The following LCP2 variants were observed in gnomAD, a reference collection of about 807,000 sequenced individuals.
The protein encoded by LCP2 is 76 kDa tyrosine phosphoprotein.
A neutral mutation model predicts 74.5 loss-of-function variants in LCP2; 29 were observed. The observed-to-expected ratio is 0.39, with a 90% CI of 0.29 to 0.53. The LOEUF (loss-of-function observed/expected upper bound fraction) is 0.53, where lower values mean the gene tolerates loss of function less well. Among genes scored for constraint, LCP2 ranks in the 20% least tolerant of loss-of-function variants. The probability of loss-of-function intolerance (pLI) is 0.72; values close to 1 mark genes in which losing one functional copy is unlikely to be tolerated. For synonymous variants in LCP2, 228 were observed against 229.5 expected (o/e 0.99, Z 0.06); for missense variants, 604 against 634.6 (o/e 0.95, Z 0.52).
At chr5:170,284,893 G>A (rs1762157979) in intron 3 of LCP2, among the ~76,000 whole-genome samples, 1 of 151,994 alleles carries the variant, frequency 6.6e-6, no homozygotes. Flanking sequence ...TGGAACTACA[G>A]TCGCCTGCCA....
At chr5:170,281,767 T>C (rs1016505169) in intron 3 of LCP2, among the ~76,000 whole-genome samples, 1 of 152,166 alleles carries the variant, frequency 6.6e-6, no homozygotes, top group Non-Finnish European at 1.5e-5. Flanking sequence ...GAGTCTTAGG[T>C]TTTCCCAGCC....
intron 14 of LCP2, among the ~76,000 whole-genome samples, chr5:170,259,789 C>A (rs988740233): frequency 6.6e-6 from 1 of 152,166 alleles, no homozygotes; most frequent in Non-Finnish European, 1.5e-5. Flanking sequence ...GGAGTCCCAG[C>A]AAAGAGCTGC....
chr5:170,269,932 AT>A (rs779754596), intron 7 of LCP2, among the ~76,000 whole-genome samples: 2 of 152,246 alleles, frequency 1.3e-5, no homozygotes, highest in Non-Finnish European at 2.9e-5. Flanking sequence ...TTGAGACAGC[AT>A]TTTGTGAAAG....
rs1025039497 is a variant in LCP2 at position 170,247,997 on chromosome 5, G to C, written c.*700C>G. On this transcript the variant is annotated 3_prime_UTR_variant, in exon 21 of 21. Transcript: ENST00000046794. ...CCCTAAATTTAAAATGTTTTCTTTT[G>C]GTATTTGTAGTTTAAATTTTCTTTA... The C allele has an allele frequency of 6.6e-6, 1 of 151,990 alleles. No homozygotes were observed. The highest frequency in any genetic ancestry group is 1.5e-5 in the Non-Finnish European group (1 of 67,998). The allele number at this position is 151,990 out of a possible 1,614,324, so 9.4% of individuals were successfully genotyped here. A position where few individuals can be genotyped will look rare whatever the true frequency, so the allele number is the denominator to read the frequency against.
chr5:170,281,236 C>G (rs1216158080), intron 3 of LCP2, among the ~76,000 whole-genome samples: 1 of 151,914 alleles, frequency 6.6e-6, no homozygotes, highest in Non-Finnish European at 1.5e-5. Flanking sequence ...CAGGGGAGGA[C>G]CATGTTGGAG....
chr5:170,268,917 A>ATTTATGCACACACATTCATATAAATG (rs1554140445), intron 7 of LCP2, among the ~76,000 whole-genome samples: 1 of 152,156 alleles, frequency 6.6e-6, no homozygotes, highest in African/African-American at 2.4e-5. Context: ...ACACCTGCAT[A>ATTTATGCACACACATTCATATAAATG]CACAGAGACA....
intron 10 of LCP2, among the ~76,000 whole-genome samples, chr5:170,265,288 A>C (rs187367078): frequency 9.9e-5 from 15 of 152,190 alleles, no homozygotes; most frequent in Admixed American, 2.6e-4. Context: ...TGCCCAGCAA[A>C]ATTTGCCAAT....
At chr5:170,262,931 A>G in intron 11 of LCP2, 36 bp downstream of exon 11, 1 of 1,614,092 alleles carries the variant, frequency 6.2e-7, no homozygotes, top group Non-Finnish European at 8.5e-7. Flanking sequence ...GATGTGAAAC[A>G]AACAAACACA....
intron 10 of LCP2, among the ~76,000 whole-genome samples, chr5:170,265,220 G>A (rs567065260): frequency 2.6e-4 from 40 of 152,020 alleles, no homozygotes; most frequent in East Asian, 1.6e-3. Context: ...ATCTCCTGAC[G>A]TTGTGATCTG....
chr5:170,253,956 C>T, intron 17 of LCP2, among the ~76,000 whole-genome samples: 1 of 151,968 alleles, frequency 6.6e-6, no homozygotes, highest in East Asian at 1.9e-4. Context: ...TTGCAGTTGC[C>T]CAGGGTATTT....
intron 4 of LCP2, 45 bp from the exon 5 acceptor site, chr5:170,275,396 G>A (rs1424150781): frequency 6.2e-7 from 1 of 1,608,584 alleles, no homozygotes; most frequent in Admixed American, 1.7e-5. Context: ...CTCGATTTAA[G>A]GGGATCTCCC....
chr5:170,249,079 T>C lies in LCP2; in HGVS notation c.1480-260A>G, dbSNP rs754313892. On this transcript the variant is annotated intron_variant, in intron 20 of 20. Transcript: ENST00000046794. ...ATTCACCCCTGTAATCCCAGCACTT[T>C]GGGAGGCTAAGGCCGGTGGATCACC... 7.9e-5 allele frequency among the ~76,000 whole-genome samples: 12 copies of C among 152,154 alleles called. No individual in the cohort carries two copies. In the South Asian group the frequency reaches 1.7e-3, roughly 21 times the overall value.
At chr5:170,263,685 G>C (rs901566544) in intron 10 of LCP2, among the ~76,000 whole-genome samples, 5 of 152,294 alleles carry the variant, frequency 3.3e-5, no homozygotes, top group African/African-American at 1.2e-4. Flanking sequence ...TCTATCTAAA[G>C]TCCCCTAGAA....
intron 4 of LCP2, 117 bp downstream of exon 4, chr5:170,275,678 G>A: frequency 1.1e-6 from 1 of 876,682 alleles, no homozygotes. Context: ...CCAGACCCCT[G>A]GGATTCAGGG....
rs202058117 is a variant in LCP2, at chr5:170,297,632, G to A, written c.-21C>T. ...GCCATGGCTGCTCTCCCGGGAAGAAGCTCACAAGCTGAGCATGGGCGCTTC... is the reference window on the plus strand; with the variant it reads ...GCCATGGCTGCTCTCCCGGGAAGAAACTCACAAGCTGAGCATGGGCGCTTC... On this transcript the variant is annotated 5_prime_UTR_variant, in exon 1 of 21. Coordinates refer to ENST00000046794, the MANE Select transcript of LCP2 (RefSeq NM_005565.5). 7 of 1,597,884 alleles carry A rather than the reference G, an allele frequency of 4.4e-6. No homozygotes were observed. Among genetic ancestry groups the A allele is most frequent in the African/African-American group, 1.3e-5 (1 of 74,712 alleles).
intron 3 of LCP2, among the ~76,000 whole-genome samples, chr5:170,277,481 C>T (rs1230993270): frequency 1.3e-5 from 2 of 152,168 alleles, no homozygotes; most frequent in Non-Finnish European, 2.9e-5. Flanking sequence ...GGCGCGGTGG[C>T]TCACGCCTAT....
chr5:170,252,608 C>T, intron 18 of LCP2, 97 bp from the exon 19 acceptor site: 2 of 638,124 alleles, frequency 3.1e-6, no homozygotes, highest in East Asian at 2.8e-5. Flanking sequence ...AAATCAACAC[C>T]TCAATTCCAG....
chr5:170,295,507 G>A (rs1762359079), intron 1 of LCP2, among the ~76,000 whole-genome samples: 1 of 152,224 alleles, frequency 6.6e-6, no homozygotes, highest in Non-Finnish European at 1.5e-5. Flanking sequence ...GCAACTACAG[G>A]AAAGTCGCCA....
At chr5:170,251,511 T>G (rs1761442328) in intron 19 of LCP2, 2 of 339,764 alleles carry the variant, frequency 5.9e-6, no homozygotes, top group South Asian at 2.3e-5. Flanking sequence ...ATTAATACTG[T>G]AAAGATCTAA....
Sources: gnomAD v4.1 joint callset for allele counts (sites outside exome capture counted in the v4.1 genomes callset) on GRCh38, gnomAD v4.1.1 for gene constraint, MANE v1.5 for transcripts, NCBI Gene and HGNC (gene_info 2026-07-23, HGNC 2026-07-21) for gene names.